PRKAG2: variants seen among roughly 807,000 people sequenced by gnomAD.
The protein encoded by PRKAG2 is 5'-AMP-activated protein kinase subunit gamma-2.
A neutral mutation model predicts 69.6 loss-of-function variants in PRKAG2; 26 were observed. The ratio of observed to expected loss-of-function variants is 0.37; its 90% confidence interval spans 0.27 to 0.52. The LOEUF (loss-of-function observed/expected upper bound fraction) is 0.52, where lower values mean the gene tolerates loss of function less well. Among genes scored for constraint, PRKAG2 ranks in the 20% least tolerant of loss-of-function variants. The pLI is 0.90. For synonymous variants in PRKAG2, 293 were observed against 285.0 expected, an observed-to-expected ratio of 1.03 and a Z score of -0.28; for missense variants, 557 against 740.0, an observed-to-expected ratio of 0.75 and a Z score of 2.87.
chr7:151,802,962 A>ATTT (rs536103411), intron 1 of PRKAG2, among the ~76,000 whole-genome samples: 111 of 131,568 alleles, frequency 8.4e-4, no homozygotes, highest in Middle Eastern at 8.0e-3. Flanking sequence ...ATATATATAT[A>ATTT]TTTTTTTTTT....
chr7:151,821,303 G>A (rs926912360), intron 1 of PRKAG2, among the ~76,000 whole-genome samples: 1 of 152,230 alleles, frequency 6.6e-6, no homozygotes, highest in Non-Finnish European at 1.5e-5. Flanking sequence ...TAGACACACT[G>A]TCAAGGCTCT....
chr7:151,695,472 G>C (rs1471992872), intron 3 of PRKAG2, among the ~76,000 whole-genome samples: 1 of 152,116 alleles, frequency 6.6e-6, no homozygotes, highest in African/African-American at 2.4e-5. Context: ...CTGTGCACTT[G>C]TGCACACAAA....
At chr7:151,827,624 G>C (rs1286648725) in intron 1 of PRKAG2, among the ~76,000 whole-genome samples, 1 of 151,916 alleles carries the variant, frequency 6.6e-6, no homozygotes, top group African/African-American at 2.4e-5. Flanking sequence ...GAACACAGTG[G>C]GTTCCAGGAC....
chr7:151,563,415 A>G, intron 14 of PRKAG2, among the ~76,000 whole-genome samples: 1 of 152,238 alleles, frequency 6.6e-6, no homozygotes, highest in East Asian at 1.9e-4. Flanking sequence ...TAATTGAGGA[A>G]AGAGAGATAC....
intron 6 of PRKAG2, among the ~76,000 whole-genome samples, chr7:151,579,539 G>A (rs1165115336): frequency 6.6e-6 from 1 of 152,098 alleles, no homozygotes; most frequent in African/African-American, 2.4e-5. Context: ...CACTATTTGA[G>A]GGCCCTGGAG....
intron 3 of PRKAG2, among the ~76,000 whole-genome samples, chr7:151,686,735 G>A (rs1834803408): frequency 6.6e-6 from 1 of 152,152 alleles, no homozygotes; most frequent in Non-Finnish European, 1.5e-5. Flanking sequence ...TAGCTGAATG[G>A]CCCTGGCCCT....
Position 151,632,339 on chromosome 7 carries a change from A to C in PRKAG2, c.685-201T>G. The stretch of plus-strand genomic sequence containing the variant: ...CGCCCGAGGCCGCCGCCGCCGCCGC[A>C]GGTGGCGCGGCCGCGGCCCGCGTGC... On this transcript the variant is annotated intron_variant, in intron 4 of 15. Transcript: ENST00000287878. This position sits in a 1 kb window ranked among gnomAD's most constrained non-coding sequence, Gnocchi z 4.2. 1.2e-5 allele frequency: 8 copies of C among 642,262 alleles called. No homozygotes were observed. The highest frequency in any genetic ancestry group is 1.5e-5 in the Non-Finnish European group (8 of 519,672). The allele number at this position is 642,262 out of a possible 1,614,324, so 39.8% of individuals were successfully genotyped here. A position where few individuals can be genotyped will look rare whatever the true frequency, so the allele number is the denominator to read the frequency against.
chr7:151,619,779 G>C (rs989996532), intron 5 of PRKAG2, among the ~76,000 whole-genome samples: 1 of 152,162 alleles, frequency 6.6e-6, no homozygotes, highest in African/African-American at 2.4e-5. Context: ...TAGCACTTTG[G>C]AGGGGCCGAG....
chr7:151,859,506 A>G (rs11767361), intron 1 of PRKAG2, among the ~76,000 whole-genome samples: 58,958 of 152,160 alleles, frequency 0.39, 12,676 homozygotes, highest in East Asian at 0.54. Flanking sequence ...GACACAGCTA[A>G]GACACACACT....
At chr7:151,838,631 A>C (rs983130986) in intron 1 of PRKAG2, among the ~76,000 whole-genome samples, 1 of 150,660 alleles carries the variant, frequency 6.6e-6, no homozygotes, top group East Asian at 2.0e-4. Flanking sequence ...CGCTGGAGCC[A>C]GGGAAGTCGA....
intron 3 of PRKAG2, among the ~76,000 whole-genome samples, chr7:151,739,184 C>T (rs1467704951): frequency 2.0e-5 from 3 of 152,222 alleles, no homozygotes; most frequent in Admixed American, 1.3e-4. Context: ...CAGATCCCAT[C>T]GACTGGTAGA....
chr7:151,837,120 G>A (rs930068472), intron 1 of PRKAG2: 1 of 152,262 alleles, frequency 6.6e-6, no homozygotes. Flanking sequence ...CAGGAGCGGT[G>A]GGGAGACAGA....
chr7:151,770,944 T>C (rs1333163220), intron 3 of PRKAG2, among the ~76,000 whole-genome samples: 2 of 152,166 alleles, frequency 1.3e-5, no homozygotes, highest in African/African-American at 4.8e-5. Flanking sequence ...GTGTTGACCA[T>C]TTTCCAGTGC....
intron 1 of PRKAG2, among the ~76,000 whole-genome samples, chr7:151,830,420 C>A (rs1005099975): frequency 2.0e-5 from 3 of 151,818 alleles, no homozygotes. Context: ...AGAGAGAGGC[C>A]GAGGAGAGAA....
intron 4 of PRKAG2, among the ~76,000 whole-genome samples, chr7:151,653,090 T>G (rs1361282951): frequency 6.7e-6 from 1 of 148,670 alleles, no homozygotes; most frequent in Non-Finnish European, 1.5e-5. Flanking sequence ...CCTAGAATTG[T>G]GTGAGGTATC....
intron 1 of PRKAG2, among the ~76,000 whole-genome samples, chr7:151,793,077 G>A (rs370453970): frequency 7.2e-5 from 11 of 151,908 alleles, no homozygotes; most frequent in East Asian, 1.9e-4. Context: ...TAGCTCGCAC[G>A]TTCTCTGTTT....
In PRKAG2 at chr7:151,729,154, G is replaced by C. The variant is rs1251669311; in HGVS notation, c.466+51998C>G. Reference sequence around the variant, plus strand: ...TATGAGCTTTTCCAGGCATGGATGAGAGTGGGGCGGACAGGGGGTGGCGGG... The same window carrying C: ...TATGAGCTTTTCCAGGCATGGATGACAGTGGGGCGGACAGGGGGTGGCGGG... On this transcript the variant is annotated intron_variant, in intron 3 of 15. Coordinates refer to ENST00000287878, the MANE Select transcript of PRKAG2 (RefSeq NM_016203.4). 2.0e-5 allele frequency among the ~76,000 whole-genome samples: 3 copies of C among 150,906 alleles called. No individual in the cohort carries two copies. In the East Asian group the frequency reaches 5.9e-4, roughly 30 times the overall value.
At chr7:151,748,522 G>A (rs574620162) in intron 3 of PRKAG2, among the ~76,000 whole-genome samples, 6 of 152,252 alleles carry the variant, frequency 3.9e-5, no homozygotes, top group South Asian at 2.1e-4. Context: ...AATAGTTGAC[G>A]AGGCATATGA....
At chr7:151,662,130 G>A (rs953518710) in intron 4 of PRKAG2, among the ~76,000 whole-genome samples, 6 of 152,234 alleles carry the variant, frequency 3.9e-5, no homozygotes, top group South Asian at 2.1e-4. Context: ...TTTCTTCCCC[G>A]CACCGGCTGT....
Sources: gnomAD v4.1 joint callset for allele counts (sites outside exome capture counted in the v4.1 genomes callset) on GRCh38, gnomAD v4.1.1 for gene constraint, Gnocchi (gnomAD v3.1) non-coding constraint, MANE v1.5 for transcripts, NCBI Gene and HGNC (gene_info 2026-07-23, HGNC 2026-07-21) for gene names.